TMEM132D: variants seen among roughly 807,000 people sequenced by gnomAD.
The protein encoded by TMEM132D is mature OL transmembrane protein.
Under a neutral mutation model 62.3 loss-of-function variants are expected in TMEM132D, and 21 were observed. The ratio of observed to expected loss-of-function variants is 0.34; its 90% CI spans 0.24 to 0.49. The LOEUF (loss-of-function observed/expected upper bound fraction) is 0.49, where lower values mean the gene tolerates loss of function less well. Ranked by LOEUF, TMEM132D falls within the 20% of genes least tolerant of loss-of-function variation. TMEM132D has a pLI of 0.99. For missense variants in TMEM132D, 1,346 were observed against 1,402.8 expected (o/e 0.96, Z 0.65); for synonymous variants, 621 against 575.6 (o/e 1.08, Z -1.13).
intron 2 of TMEM132D, among the ~76,000 whole-genome samples, chr12:129,695,154 G>A (rs970639535): frequency 1.3e-5 from 2 of 152,210 alleles, no homozygotes; most frequent in African/African-American, 4.8e-5. Flanking sequence ...TTCAGCTGAA[G>A]TTTTCCTTTG....
intron 2 of TMEM132D, among the ~76,000 whole-genome samples, chr12:129,617,492 T>C (rs1272295344): frequency 2.0e-5 from 3 of 152,194 alleles, no homozygotes; most frequent in Admixed American, 6.5e-5. Flanking sequence ...AACAGAAATG[T>C]CTTACTGTTC....
chr12:129,423,187 C>G (rs1484801752), intron 3 of TMEM132D, among the ~76,000 whole-genome samples: 2 of 152,222 alleles, frequency 1.3e-5, no homozygotes, highest in East Asian at 3.9e-4. Flanking sequence ...CACACATATA[C>G]AAACCCTCAT....
At chr12:129,590,661 A>G (rs1385970643) in intron 2 of TMEM132D, among the ~76,000 whole-genome samples, 1 of 152,210 alleles carries the variant, frequency 6.6e-6, no homozygotes, top group Non-Finnish European at 1.5e-5. Flanking sequence ...TAAATGAGAC[A>G]GCCGTCTGTT....
At chr12:129,868,052 A>ACGGCGTTTCTATGGTACACACATGAGG (rs1874112844) in intron 1 of TMEM132D, among the ~76,000 whole-genome samples, 4 of 151,442 alleles carry the variant, frequency 2.6e-5, no homozygotes, top group East Asian at 2.0e-4. Context: ...CACACATGAG[A>ACGGCGTTTCTATGGTACACACATGAGG]CAGCGTTTCT....
chr12:129,329,001 T>C (rs1300035923), intron 4 of TMEM132D, among the ~76,000 whole-genome samples: 4 of 148,294 alleles, frequency 2.7e-5, no homozygotes, highest in Non-Finnish European at 4.5e-5. Context: ...GTAAAGAACA[T>C]ATATATATAA....
chr12:129,329,081 A>G (rs1869017646), intron 4 of TMEM132D, among the ~76,000 whole-genome samples: 1 of 151,598 alleles, frequency 6.6e-6, no homozygotes, highest in Non-Finnish European at 1.5e-5. Flanking sequence ...GGAATCAGAA[A>G]TCCTGCTGCT....
intron 5 of TMEM132D, among the ~76,000 whole-genome samples, chr12:129,125,499 AGTTTTT>A (rs1164625587): frequency 4.7e-5 from 6 of 127,830 alleles, no homozygotes; most frequent in African/African-American, 1.2e-4. Context: ...AATTACTATG[AGTTTTT>A]TTTTTTTTTT....
intron 2 of TMEM132D, among the ~76,000 whole-genome samples, chr12:129,682,355 G>A (rs917247326): frequency 2.0e-5 from 3 of 152,158 alleles, no homozygotes; most frequent in Non-Finnish European, 4.4e-5. Flanking sequence ...CTGAGGCCCA[G>A]TGAGCTTCAG....
intron 3 of TMEM132D, among the ~76,000 whole-genome samples, chr12:129,393,766 T>C (rs1433186578): frequency 6.6e-6 from 1 of 152,180 alleles, no homozygotes; most frequent in East Asian, 1.9e-4. Flanking sequence ...GAGGTTGTTT[T>C]CCTCTTGCAG....
chr12:129,725,154 T>C (rs1868985823), intron 1 of TMEM132D, among the ~76,000 whole-genome samples: 1 of 152,180 alleles, frequency 6.6e-6, no homozygotes, highest in African/African-American at 2.4e-5. Flanking sequence ...TGATTAGATA[T>C]GCATCATTGG....
At chr12:129,394,325 A>T (rs1593363080) in intron 3 of TMEM132D, among the ~76,000 whole-genome samples, 1 of 152,238 alleles carries the variant, frequency 6.6e-6, no homozygotes, top group African/African-American at 2.4e-5. Context: ...AACCCTGAAC[A>T]TGAAGGGAGC....
At chr12:129,657,261 C>T (rs1453198446) in intron 2 of TMEM132D, among the ~76,000 whole-genome samples, 2 of 152,228 alleles carry the variant, frequency 1.3e-5, no homozygotes, top group African/African-American at 4.8e-5. Context: ...GTCTGTGCCA[C>T]CCCAAGTACA....
chr12:129,797,372 C>T (rs911022097), intron 1 of TMEM132D, among the ~76,000 whole-genome samples: 4 of 152,140 alleles, frequency 2.6e-5, no homozygotes, highest in Admixed American at 2.0e-4. Flanking sequence ...TAGTTGCAAA[C>T]GATACAACAT....
intron 3 of TMEM132D, among the ~76,000 whole-genome samples, chr12:129,489,641 T>C (rs956494328): frequency 2.0e-5 from 3 of 152,238 alleles, no homozygotes; most frequent in African/African-American, 2.4e-5. Context: ...TTGAGGAAAA[T>C]GGAAATCATT....
In TMEM132D at chr12:129,209,578, G is replaced by A. The variant is rs1878963996; in HGVS notation, c.1385C>T (p.Thr462Ile). ...CACAGACTCCAGCAGCTCTGTCACT[G>A]TGCCGTCGTCCTCCACGGAGACCAC... ...VKVVSVEDDG[T>I]VTELLESVEC... Residue 462 changes from threonine (T) to isoleucine (I), a missense_variant, in exon 5 of 9, where the codon ACA (threonine) becomes ATA (isoleucine). By Grantham distance (89) the Thr-to-Ile change is moderately conservative. Transcript: ENST00000422113. The A allele has an allele frequency of 4.3e-6, 7 of 1,614,162 alleles. No homozygotes were observed. The highest frequency in any genetic ancestry group is 1.1e-5 in the South Asian group (1 of 91,086).
intron 5 of TMEM132D, among the ~76,000 whole-genome samples, chr12:129,199,647 A>G (rs1878643623): frequency 6.6e-6 from 1 of 152,142 alleles, no homozygotes; most frequent in Admixed American, 6.5e-5. Context: ...GGTTTAATGG[A>G]CTCACAGTTC....
chr12:129,406,667 C>G (rs1251451961), intron 3 of TMEM132D, among the ~76,000 whole-genome samples: 6 of 151,950 alleles, frequency 3.9e-5, no homozygotes, highest in Non-Finnish European at 4.4e-5. Context: ...ACATACACAC[C>G]ATGTACTGGG....
At chr12:129,608,698 T>C (rs1256772179) in intron 2 of TMEM132D, among the ~76,000 whole-genome samples, 1 of 152,348 alleles carries the variant, frequency 6.6e-6, no homozygotes, top group African/African-American at 2.4e-5. Flanking sequence ...TCAAAGTTGA[T>C]GAAGCCATCA....
At chr12:129,701,231 C>T (rs1282154545) in intron 1 of TMEM132D, among the ~76,000 whole-genome samples, 2 of 152,218 alleles carry the variant, frequency 1.3e-5, no homozygotes, top group Non-Finnish European at 2.9e-5. Flanking sequence ...CATATACGCA[C>T]ATGTCCAATG....
Sources: allele counts gnomAD v4.1 joint callset (sites outside exome capture counted in the v4.1 genomes callset), GRCh38; gene constraint gnomAD v4.1.1; transcripts MANE v1.5; gene names NCBI Gene and HGNC (gene_info 2026-07-23, HGNC 2026-07-21).